The following ATP2A1 variants were observed in gnomAD, a reference collection of about 807,000 sequenced individuals.
ATP2A1 encodes the protein sarcoplasmic/endoplasmic reticulum calcium ATPase 1.
A neutral mutation model predicts 109.5 loss-of-function variants in ATP2A1; 83 were observed. The ratio of observed to expected loss-of-function variants is 0.76; its 90% CI spans 0.63 to 0.91. The LOEUF (loss-of-function observed/expected upper bound fraction) is 0.91. Among genes scored for constraint, ATP2A1 ranks in the 40% least tolerant of loss-of-function variants. ATP2A1 has a pLI of 0.00. For synonymous variants in ATP2A1, 505 were observed against 537.6 expected (o/e 0.94, Z 0.84); for missense variants, 1,101 against 1,341.0 (o/e 0.82, Z 2.80).
At chr16:28,884,717 G>T in intron 6 of ATP2A1, 62 bp downstream of exon 6, 2 of 1,462,706 alleles carry the variant, frequency 1.4e-6, no homozygotes, top group Non-Finnish European at 1.9e-6. Context: ...AGGCAACAAG[G>T]GGGAGGTGAG....
intron 9 of ATP2A1, among the ~76,000 whole-genome samples, chr16:28,891,914 A>T (rs1311683208): frequency 6.7e-6 from 1 of 149,016 alleles, no homozygotes; most frequent in African/African-American, 2.4e-5. Flanking sequence ...ATAAAAAAGT[A>T]AAAAAAAAAT....
rs1463930445 is a variant in ATP2A1, at chr16:28,887,647, G to T, written c.853G>T (p.Gly285Trp). ...TGGCCACTTCAACGACCCCGTCCAT[G>T]GGGGCTCCTGGTTCCGCGGGGCCAT... The part of the protein sequence containing the change: ...NIGHFNDPVH[G>W]GSWFRGAIYY... Residue 285 changes from glycine (G) to tryptophan (W), a missense_variant, in exon 8 of 23, where the codon GGG becomes TGG. By Grantham distance (184) the Gly-to-Trp change is radical. Transcript: ENST00000395503. 2 of 1,614,016 alleles carry T rather than the reference G, an allele frequency of 1.2e-6. No homozygotes were observed. The highest frequency in any genetic ancestry group is 1.7e-6 in the Non-Finnish European group (2 of 1,180,038).
rs1963425519 is a variant in ATP2A1 at position 28,880,262 on chromosome 16, TC to T, written c.220-651del. ...GGTCCATCTGCATGTCGCGGGTTCTTCCGCAGCATGTGAGCCTCGCTGGGGA... is the reference window on the plus strand; with the variant it reads ...GGTCCATCTGCATGTCGCGGGTTCTTCGCAGCATGTGAGCCTCGCTGGGGA... On this transcript the variant is annotated intron_variant, in intron 3 of 22. Coordinates refer to ENST00000395503, the MANE Select transcript of ATP2A1 (RefSeq NM_004320.6). This position sits in a 1 kb window ranked among gnomAD's most constrained non-coding sequence, Gnocchi z 4.2. 6.6e-6 allele frequency among the ~76,000 whole-genome samples: 1 copy of T among 152,182 alleles called. No homozygotes were observed. The highest frequency in any genetic ancestry group is 1.5e-5 in the Non-Finnish European group (1 of 68,026).
chr16:28,895,989 G>A (rs933689228), intron 12 of ATP2A1, among the ~76,000 whole-genome samples: 4 of 152,158 alleles, frequency 2.6e-5, no homozygotes, highest in South Asian at 2.1e-4. Context: ...TTGGCCTGTC[G>A]CCCAGGCTGG....
rs959014585 is a variant in ATP2A1, at chr16:28,900,837, G to A, written c.2021G>A (p.Cys674Tyr). Residue 674 changes from cysteine to tyrosine, a missense_variant, in exon 15 of 23, where the codon TGC becomes TAC. By Grantham distance (194) the Cys-to-Tyr change is radical (BLOSUM62 -2). Coordinates refer to ENST00000395503, the MANE Select transcript of ATP2A1 (RefSeq NM_004320.6). ...CAGCGGGAAGCCTGCCGACGTGCCTGCTGCTTCGCCCGTGTGGAGCCCTCG... is the reference window on the plus strand; with the variant it reads ...CAGCGGGAAGCCTGCCGACGTGCCTACTGCTTCGCCCGTGTGGAGCCCTCG... ...AEQREACRRACCFARVEPSHK... is the reference protein window; with the variant it reads ...AEQREACRRAYCFARVEPSHK... 2 of 1,614,212 alleles carry A rather than the reference G, an allele frequency of 1.2e-6. No individual in the cohort carries two copies. The highest frequency in any genetic ancestry group is 4.5e-5 in the East Asian group (2 of 44,886).
chr16:28,898,109 A>G lies in ATP2A1; in HGVS notation c.1529A>G (p.Asn510Ser). 6.2e-7 allele frequency: 1 copy of G among 1,614,158 alleles called. No homozygotes were observed. Among genetic ancestry groups the G allele is most frequent in the South Asian group, 1.1e-5 (1 of 91,086 alleles). The change falls in exon 13 of 23, where the codon AAC becomes AGC. Residue 510 changes from asparagine to serine, a missense_variant. Asn to Ser is a conservative substitution (Grantham distance 46, BLOSUM62 1). Coordinates refer to ENST00000395503, the MANE Select transcript of ATP2A1 (RefSeq NM_004320.6). This position sits in a 1 kb window ranked among gnomAD's most constrained non-coding sequence, Gnocchi z 4.0. The part of the protein sequence containing the change: ...PAKSSRAAVG[N>S]KMFVKGAPEG... ...AAATCTTCCCGGGCTGCTGTGGGCA[A>G]CAAGATGTTTGTCAAGGTCAGAAAT...
intron 2 of ATP2A1, 74 bp downstream of exon 2, chr16:28,879,190 G>A (rs992194665): frequency 2.8e-5 from 43 of 1,523,982 alleles, no homozygotes; most frequent in Non-Finnish European, 3.7e-5. Context: ...CCTCCTCCCT[G>A]CCTCTTTAGA....
chr16:28,888,323 A>G (rs1963677983), intron 8 of ATP2A1, among the ~76,000 whole-genome samples: 1 of 151,274 alleles, frequency 6.6e-6, no homozygotes, highest in Admixed American at 6.6e-5. Context: ...GTGAGCCACC[A>G]CGCCTGGCCC....
chr16:28,882,352 G>C, intron 4 of ATP2A1, 99 bp from the exon 5 acceptor site: 1 of 1,554,464 alleles, frequency 6.4e-7, no homozygotes, highest in Non-Finnish European at 8.8e-7. Context: ...ACACACCCCT[G>C]CCTGTGTGGG....
intron 12 of ATP2A1, 83 bp from the exon 13 acceptor site, chr16:28,897,917 C>T: frequency 6.4e-7 from 1 of 1,555,280 alleles, no homozygotes; most frequent in Admixed American, 1.7e-5. Context: ...TAGTCTCAGC[C>T]TTAGCTTGGG....
intron 8 of ATP2A1, 26 bp from the exon 9 acceptor site, chr16:28,888,761 C>G: frequency 6.2e-7 from 1 of 1,609,958 alleles, no homozygotes; most frequent in Non-Finnish European, 8.5e-7. Flanking sequence ...TGCAGGTTCC[C>G]TCACACCCTC....
chr16:28,902,760 C>T lies in ATP2A1; in HGVS notation c.2611-18C>T, dbSNP rs748693034. Reference sequence around the variant, plus strand: ...TGGAGGTGGCCCTGGACCTCAGTCTCCCGTACCTTCCCTGCAGACTCACTT... The same window carrying T: ...TGGAGGTGGCCCTGGACCTCAGTCTTCCGTACCTTCCCTGCAGACTCACTT... On this transcript the variant is annotated intron_variant, in intron 18 of 22. Coordinates refer to ENST00000395503, the MANE Select transcript of ATP2A1 (RefSeq NM_004320.6). The surrounding 1 kb of genome is among the most constrained non-coding windows in gnomAD (Gnocchi z 4.8). The T allele has an allele frequency of 2.5e-6, 4 of 1,613,538 alleles. No homozygotes were observed. The South Asian group carries it at 3.3e-5, about 13-fold the overall frequency.
Position 28,887,233 on chromosome 16 carries a change from C to T in ATP2A1, c.589C>T (p.Pro197Ser). 6.2e-7 allele frequency: 1 copy of T among 1,613,916 alleles called. No homozygotes were observed. The highest frequency in any genetic ancestry group is 8.5e-7 in the Non-Finnish European group (1 of 1,179,984). The change falls in exon 7 of 23, where the codon CCC becomes TCC. Residue 197 changes from proline (P) to serine (S), a missense_variant. Pro to Ser is a moderately conservative substitution (Grantham distance 74). Transcript: ENST00000395503. Reference protein sequence around the residue: ...VIKHTEPVPDPRAVNQDKKNM... With the variant: ...VIKHTEPVPDSRAVNQDKKNM... Reference sequence around the variant, plus strand: ...CAAACACACGGAGCCCGTTCCTGACCCCCGAGCTGTCAACCAGGACAAGAA... The same window carrying T: ...CAAACACACGGAGCCCGTTCCTGACTCCCGAGCTGTCAACCAGGACAAGAA...
intron 14 of ATP2A1, among the ~76,000 whole-genome samples, chr16:28,899,834 C>T (rs1663297119): frequency 6.6e-6 from 1 of 151,536 alleles, no homozygotes; most frequent in Admixed American, 6.6e-5. Context: ...GTGGTGCGCC[C>T]TTATAATCCC....
chr16:28,878,723 G>A lies in ATP2A1; in HGVS notation c.52G>A (p.Val18Met), dbSNP rs778879832. The change falls in exon 1 of 23, where the codon GTG becomes ATG. Residue 18 changes from valine to methionine, a missense_variant. Transcript: ENST00000395503. ...TTEECLAYFGVSETTGLTPDQ... is the reference protein window; with the variant it reads ...TTEECLAYFGMSETTGLTPDQ... ...GGAGGAATGTTTGGCCTATTTTGGG[G>A]TGAGTGAGACCACGGGCCTCACCCC... 9 of 1,612,718 alleles carry A rather than the reference G, an allele frequency of 5.6e-6. No individual in the cohort carries two copies. Among genetic ancestry groups the A allele is most frequent in the Non-Finnish European group, 7.6e-6 (9 of 1,179,390 alleles).
chr16:28,901,013 A>G (rs1964060593), intron 15 of ATP2A1, 97 bp downstream of exon 15: 1 of 1,464,652 alleles, frequency 6.8e-7, no homozygotes, highest in African/African-American at 1.4e-5. Context: ...GGCCCTGGTA[A>G]GATGCAAGAA....
rs1266189917 is a variant in ATP2A1 at position 28,878,905 on chromosome 16, T to C, written c.118+116T>C. The C allele has an allele frequency of 5.2e-6, 7 of 1,356,112 alleles. No homozygotes were observed. The East Asian group carries it at 6.9e-5, about 13-fold the overall frequency. The allele number at this position is 1,356,112 out of a possible 1,614,324, so 84.0% of individuals were successfully genotyped here. Reference sequence around the variant, plus strand: ...GGTTTCTTAAGGAAGAGCTGGGCCGTTGTCCAATGCTCGCAGGGGGAAGAA... The same window carrying C: ...GGTTTCTTAAGGAAGAGCTGGGCCGCTGTCCAATGCTCGCAGGGGGAAGAA... On this transcript the variant is annotated intron_variant, in intron 1 of 22. Transcript: ENST00000395503.
In ATP2A1 at chr16:28,898,529, C is replaced by A; in HGVS notation, c.1764+78C>A. The A allele has an allele frequency of 6.8e-7, 1 of 1,469,566 alleles. No individual in the cohort carries two copies. Among genetic ancestry groups the A allele is most frequent in the Non-Finnish European group, 9.3e-7 (1 of 1,072,744 alleles). The allele number at this position is 1,469,566 out of a possible 1,614,324, so 91.0% of individuals were successfully genotyped here. On this transcript the variant is annotated intron_variant, in intron 14 of 22. Transcript: ENST00000395503. This position sits in a 1 kb window ranked among gnomAD's most constrained non-coding sequence, Gnocchi z 4.0. ...CAGCCATCCACTCACAGCTCCACCA[C>A]CCGGATCATTTCCTACCTCGTCAGT...
chr16:28,898,989 A>AAAAAAC lies in ATP2A1; in HGVS notation c.1764+546_1764+551dup, dbSNP rs1179541751. Reference sequence around the variant, plus strand: ...CAAGCAAGGCCCTGTCTCTAAAAACAAAAAACAAAAACACACACACACACA... The same window carrying AAAAAAC: ...CAAGCAAGGCCCTGTCTCTAAAAACAAAAAACAAAAACAAAAACACACACACACACA... On this transcript the variant is annotated intron_variant, in intron 14 of 22. Coordinates refer to ENST00000395503, the MANE Select transcript of ATP2A1 (RefSeq NM_004320.6). This position sits in a 1 kb window ranked among gnomAD's most constrained non-coding sequence, Gnocchi z 4.0. Among the ~76,000 whole-genome samples, 1 of 151,678 alleles carries AAAAAAC rather than the reference A, an allele frequency of 6.6e-6. No homozygotes were observed. Among genetic ancestry groups the AAAAAAC allele is most frequent in the Admixed American group, 6.6e-5 (1 of 15,236 alleles).
Sources: allele counts gnomAD v4.1 joint callset (sites outside exome capture counted in the v4.1 genomes callset), GRCh38; gene constraint gnomAD v4.1.1; non-coding constraint Gnocchi (gnomAD v3.1); transcripts MANE v1.5; gene names NCBI Gene and HGNC (gene_info 2026-07-23, HGNC 2026-07-21).